Variants in FOLR1 observed in about 807,000 individuals in gnomAD.
The protein encoded by FOLR1 is KB cells FBP.
A neutral mutation model predicts 22.8 loss-of-function variants in FOLR1; 11 were observed. The ratio of observed to expected loss-of-function variants is 0.48; its 90% confidence interval spans 0.30 to 0.80. FOLR1 has a LOEUF of 0.80. Ranked by LOEUF, FOLR1 falls within the 30% of genes least tolerant of loss-of-function variation. The pLI is 0.06. For missense variants in FOLR1, 273 were observed against 320.3 expected, an observed-to-expected ratio of 0.85 and a Z score of 1.13; for synonymous variants, 108 against 116.5, an observed-to-expected ratio of 0.93 and a Z score of 0.47.
At chr11:72,192,945 C>T (rs1010951191) in intron 1 of FOLR1, among the ~76,000 whole-genome samples, 4 of 152,144 alleles carry the variant, frequency 2.6e-5, no homozygotes, top group Non-Finnish European at 1.5e-5. Flanking sequence ...TGTCTCTCGA[C>T]CACATTGGAC....
At chr11:72,190,239 C>T (rs907079098), upstream of FOLR1, 2 of 152,234 alleles carry the variant, frequency 1.3e-5, no homozygotes, top group Non-Finnish European at 2.9e-5. Context: ...AGCCCCCATC[C>T]CCAGCACTGT....
upstream of FOLR1, chr11:72,192,064 C>A (rs1180727657): frequency 4.0e-6 from 5 of 1,246,678 alleles, no homozygotes; most frequent in East Asian, 2.3e-5. Flanking sequence ...GCTCTATCTG[C>A]CCCAGGCTTC....
chr11:72,190,033 G>C (rs566002536), upstream of FOLR1, among the ~76,000 whole-genome samples: 2 of 152,186 alleles, frequency 1.3e-5, no homozygotes, highest in Non-Finnish European at 2.9e-5. Flanking sequence ...TGGGTGTGGG[G>C]GTCATGATTG....
In FOLR1 at chr11:72,196,260, C is replaced by A; in HGVS notation, c.*83C>A. The A allele has an allele frequency of 6.7e-7, 1 of 1,483,296 alleles. No homozygotes were observed. The highest frequency in any genetic ancestry group is 1.2e-5 in the South Asian group (1 of 86,378). 91.9% of individuals were successfully genotyped at this position (1,483,296 alleles called of 1,614,324 possible). A position where few individuals can be genotyped will look rare whatever the true frequency, so the allele number is the denominator to read the frequency against. ...AACTATTTGGTTCCTGCTCCATGGT[C>A]GGGCCTCTGACAGCCACTTTGAATA... On this transcript the variant is annotated 3_prime_UTR_variant, in exon 4 of 4. Coordinates refer to ENST00000393676, the MANE Select transcript of FOLR1 (RefSeq NM_016729.3).
At chr11:72,193,434 T>C (rs1948183635) in intron 1 of FOLR1, among the ~76,000 whole-genome samples, 1 of 151,566 alleles carries the variant, frequency 6.6e-6, no homozygotes, top group South Asian at 2.1e-4. Context: ...GGAGAGAAAC[T>C]TGTAATACGC....
chr11:72,195,773 G>A, intron 3 of FOLR1, 26 bp downstream of exon 3: 1 of 1,614,256 alleles, frequency 6.2e-7, no homozygotes, highest in South Asian at 1.1e-5. Context: ...GGCAGGAATG[G>A]AGGGATTTGG....
intron 1 of FOLR1, among the ~76,000 whole-genome samples, chr11:72,193,584 G>A (rs1056058824): frequency 4.1e-5 from 6 of 147,634 alleles, no homozygotes; most frequent in Admixed American, 6.8e-5. Flanking sequence ...GTAGGCACAC[G>A]CCACCACACC....
At chr11:72,194,422 T>C (rs1345038494) in intron 1 of FOLR1, among the ~76,000 whole-genome samples, 1 of 152,028 alleles carries the variant, frequency 6.6e-6, no homozygotes, top group Non-Finnish European at 1.5e-5. Flanking sequence ...TTTTTTGAGA[T>C]GGAGTCTTGC....
At chr11:72,195,180 A>T in intron 1 of FOLR1, 91 bp from the exon 2 acceptor site, 1 of 1,265,428 alleles carries the variant, frequency 7.9e-7, no homozygotes, top group Non-Finnish European at 1.2e-6. Context: ...TGGGGAATCA[A>T]GGACTAAGAG....
chr11:72,192,075 C>T (rs565336213), upstream of FOLR1: 18 of 1,386,772 alleles, frequency 1.3e-5, 1 homozygote, highest in South Asian at 2.3e-5. Flanking sequence ...CCCAGGCTTC[C>T]GTCCAGGCCC....
chr11:72,190,674 T>A (rs966686051), upstream of FOLR1: 2 of 152,220 alleles, frequency 1.3e-5, no homozygotes, highest in African/African-American at 2.4e-5. Context: ...AGGGGCATGA[T>A]TGGATCCTGG....
In FOLR1 at chr11:72,195,636, C is replaced by T. The variant is rs200728335; in HGVS notation, c.382C>T (p.Arg128Trp). The change falls in exon 3 of 4, where the codon CGG becomes TGG. Residue 128 changes from arginine to tryptophan, a missense_variant. Transcript: ENST00000393676. ...QQVDQSWRKE[R>W]VLNVPLCKED... Reference sequence around the variant, plus strand: ...GGTGGATCAGAGCTGGCGCAAAGAGCGGGTACTGAACGTGCCCCTGTGCAA... The same window carrying T: ...GGTGGATCAGAGCTGGCGCAAAGAGTGGGTACTGAACGTGCCCCTGTGCAA... The T allele has an allele frequency of 9.3e-6, 15 of 1,614,162 alleles. No homozygotes were observed. Among genetic ancestry groups the T allele is most frequent in the Non-Finnish European group, 1.1e-5 (13 of 1,180,020 alleles).
intron 1 of FOLR1, 56 bp from the exon 2 acceptor site, chr11:72,195,215 C>A: frequency 6.8e-7 from 1 of 1,480,844 alleles, no homozygotes; most frequent in Non-Finnish European, 9.4e-7. Context: ...GTGGAATATT[C>A]TGGCTGTGCT....
intron 1 of FOLR1, among the ~76,000 whole-genome samples, chr11:72,194,274 G>A (rs1948197014): frequency 6.6e-6 from 1 of 152,150 alleles, no homozygotes; most frequent in Non-Finnish European, 1.5e-5. Flanking sequence ...ACAATTGATT[G>A]GCTATACATT....
At chr11:72,193,419 G>T (rs1948183284) in intron 1 of FOLR1, among the ~76,000 whole-genome samples, 1 of 151,340 alleles carries the variant, frequency 6.6e-6, no homozygotes, top group African/African-American at 2.4e-5. Flanking sequence ...AGGGAGGGAG[G>T]CAAGGGAGAG....
upstream of FOLR1, among the ~76,000 whole-genome samples, chr11:72,190,898 A>C (rs1948147976): frequency 6.6e-6 from 1 of 152,192 alleles, no homozygotes; most frequent in African/African-American, 2.4e-5. Context: ...GAGGGGCAGC[A>C]CGGGGGCAAG....
intron 3 of FOLR1, 25 bp downstream of exon 3, chr11:72,195,772 G>A: frequency 6.2e-7 from 1 of 1,614,222 alleles, no homozygotes; most frequent in South Asian, 1.1e-5. Flanking sequence ...GGGCAGGAAT[G>A]GAGGGATTTG....
intron 1 of FOLR1, among the ~76,000 whole-genome samples, chr11:72,193,748 C>T (rs989042133): frequency 1.3e-5 from 2 of 151,234 alleles, no homozygotes; most frequent in Non-Finnish European, 2.9e-5. Flanking sequence ...GTGTGAGCCA[C>T]TGCGCCCGGC....
At chr11:72,192,087 A>C (rs1316107525), upstream of FOLR1, 2 of 1,491,392 alleles carry the variant, frequency 1.3e-6, no homozygotes, top group Non-Finnish European at 1.9e-6. Flanking sequence ...TCCAGGCCCC[A>C]CCCTCCTGGA....
Sources: gnomAD v4.1 joint callset for allele counts (sites outside exome capture counted in the v4.1 genomes callset) on GRCh38, gnomAD v4.1.1 for gene constraint, MANE v1.5 for transcripts, NCBI Gene and HGNC (gene_info 2026-07-23, HGNC 2026-07-21) for gene names.